RBFOX3: variants seen among roughly 807,000 people sequenced by gnomAD.
RBFOX3 encodes RNA binding fox-1 homolog 3, also known as RNA binding protein fox-1 homolog 3.
In RBFOX3, 17 loss-of-function variants were observed where a neutral mutation model predicts 48.7. The observed-to-expected ratio is 0.35, with a 90% CI of 0.24 to 0.52. RBFOX3 has a LOEUF of 0.52. Ranked by LOEUF, RBFOX3 falls within the 20% of genes least tolerant of loss-of-function variation. The pLI is 0.94. For synonymous variants in RBFOX3, 212 were observed against 209.5 expected, an observed-to-expected ratio of 1.01 and a Z score of -0.10; for missense variants, 382 against 497.5, an observed-to-expected ratio of 0.77 and a Z score of 2.21.
At position 79,415,668 on chromosome 17, in the gene RBFOX3, G is replaced by A. The variant is rs544735393; in HGVS notation, c.-175+66786C>T. Among the ~76,000 whole-genome samples the A allele has an allele frequency of 3.3e-4, 50 of 152,326 alleles. No individual in the cohort carries two copies. In the South Asian group the frequency reaches 5.0e-3, roughly 15 times the overall value. ...ACACAATTGCATGCGGCTCAGTTAC[G>A]ATGGGCACACAGGGAGCAGGTCCTC... On this transcript the variant is annotated intron_variant, in intron 2 of 14. Coordinates refer to ENST00000693108, the MANE Select transcript of RBFOX3 (RefSeq NM_001350451.2).
rs556107677 is a variant in RBFOX3, at chr17:79,352,425, C to T, written c.-174-44601G>A. ...CCAGCCATGCTTCCTGTGCAGCCTG[C>T]AGAACTGTGAGCCAATTAAATCTCT... On this transcript the variant is annotated intron_variant, in intron 2 of 14. Transcript: ENST00000693108. Among the ~76,000 whole-genome samples the T allele has an allele frequency of 2.0e-5, 3 of 152,306 alleles. No individual in the cohort carries two copies. The South Asian group carries it at 6.2e-4, about 32-fold the overall frequency.
At chr17:79,236,220 C>G (rs115816396) in intron 3 of RBFOX3, among the ~76,000 whole-genome samples, 1 of 152,168 alleles carries the variant, frequency 6.6e-6, no homozygotes, top group Non-Finnish European at 1.5e-5. Flanking sequence ...TCTGCCATGC[C>G]GTGGGGATTT....
At chr17:79,262,445 C>A (rs1250261640) in intron 3 of RBFOX3, among the ~76,000 whole-genome samples, 3 of 152,268 alleles carry the variant, frequency 2.0e-5, no homozygotes, top group Admixed American at 2.0e-4. Flanking sequence ...CTGTGAATTC[C>A]ACCTCGGTCG....
At chr17:79,466,075 G>A (rs2149327487) in intron 2 of RBFOX3, among the ~76,000 whole-genome samples, 1 of 152,362 alleles carries the variant, frequency 6.6e-6, no homozygotes, top group Non-Finnish European at 1.5e-5. Context: ...AAGTGCATGT[G>A]TGGAGACACC....
intron 4 of RBFOX3, 150 bp from the exon 5 acceptor site, chr17:79,115,898 G>A: frequency 3.8e-6 from 2 of 527,484 alleles, no homozygotes; most frequent in Non-Finnish European, 3.3e-6. Flanking sequence ...GCCGGCATGG[G>A]CACCAGCTCA....
At chr17:79,459,566 C>A (rs540433138) in intron 2 of RBFOX3, among the ~76,000 whole-genome samples, 1 of 152,086 alleles carries the variant, frequency 6.6e-6, no homozygotes, top group Non-Finnish European at 1.5e-5. Context: ...CAGGCAATCA[C>A]GGGGCAGTGC....
chr17:79,114,487 T>G (rs2033217301), intron 5 of RBFOX3, among the ~76,000 whole-genome samples: 1 of 152,150 alleles, frequency 6.6e-6, no homozygotes, highest in African/African-American at 2.4e-5. Context: ...GCAGAGGGCC[T>G]GGGTGACGCT....
intron 2 of RBFOX3, among the ~76,000 whole-genome samples, chr17:79,344,657 C>A (rs904626066): frequency 1.3e-5 from 2 of 152,086 alleles, no homozygotes; most frequent in African/African-American, 4.8e-5. Flanking sequence ...CAAGTTCAAG[C>A]GATTCTTGTG....
intron 1 of RBFOX3, among the ~76,000 whole-genome samples, chr17:79,559,633 ATGGTGAATAG>A (rs1788406464): frequency 2.2e-5 from 1 of 46,126 alleles, no homozygotes; most frequent in Non-Finnish European, 5.9e-5. Flanking sequence ...GGATGGGTGG[ATGGTGAATAG>A]TGGATGGGTG....
At chr17:79,107,079 C>G (rs2077523810) in intron 5 of RBFOX3, among the ~76,000 whole-genome samples, 1 of 152,242 alleles carries the variant, frequency 6.6e-6, no homozygotes, top group South Asian at 2.1e-4. Flanking sequence ...CTGCTCTGTT[C>G]CCCGCTCCCG....
intron 4 of RBFOX3, chr17:79,233,927 C>G (rs925195128): frequency 6.6e-6 from 1 of 152,228 alleles, no homozygotes; most frequent in African/African-American, 2.4e-5. Flanking sequence ...ATTCTTTATT[C>G]TACAAGTGAC....
intron 3 of RBFOX3, among the ~76,000 whole-genome samples, chr17:79,270,426 ACCC>A (rs2067458578): frequency 6.6e-6 from 1 of 151,478 alleles, no homozygotes; most frequent in Non-Finnish European, 1.5e-5. Flanking sequence ...AAGAGCGGGC[ACCC>A]CCTCCCCTGT....
At position 79,220,804 on chromosome 17, in the gene RBFOX3, G is replaced by GGGA. The variant is rs1402366808; in HGVS notation, c.-34+14959_-34+14961dup. Among the ~76,000 whole-genome samples, 1 of 152,156 alleles carries GGGA rather than the reference G, an allele frequency of 6.6e-6. No individual in the cohort carries two copies. Among genetic ancestry groups the GGGA allele is most frequent in the Non-Finnish European group, 1.5e-5 (1 of 68,018 alleles). On this transcript the variant is annotated intron_variant, in intron 4 of 14. Coordinates refer to ENST00000693108, the MANE Select transcript of RBFOX3 (RefSeq NM_001350451.2). The surrounding 1 kb of genome is among the most constrained non-coding windows in gnomAD (Gnocchi z 5.9). Reference sequence around the variant, plus strand: ...CAGCCCCAAGTTGGAGCAGCAGGGAGGGAGGAGAAGCAGCTCCTGCAGAGG... The same window carrying GGGA: ...CAGCCCCAAGTTGGAGCAGCAGGGAGGGAGGAGGAGAAGCAGCTCCTGCAGAGG...
rs947440439 is a variant in RBFOX3, at chr17:79,195,728, G to A, written c.-34+40038C>T. Reference sequence around the variant, plus strand: ...CCTCCCCTACGACCGGACAGCACCAGGAAACCAGCACTCTGTTTTGGGGTT... The same window carrying A: ...CCTCCCCTACGACCGGACAGCACCAAGAAACCAGCACTCTGTTTTGGGGTT... On this transcript the variant is annotated intron_variant, in intron 4 of 14. Transcript: ENST00000693108. This position sits in a 1 kb window ranked among gnomAD's most constrained non-coding sequence, Gnocchi z 5.3. Among the ~76,000 whole-genome samples, 4 of 152,222 alleles carry A rather than the reference G, an allele frequency of 2.6e-5. No homozygotes were observed. The highest frequency in any genetic ancestry group is 9.6e-5 in the African/African-American group (4 of 41,454).
intron 3 of RBFOX3, among the ~76,000 whole-genome samples, chr17:79,238,490 C>G: frequency 6.6e-6 from 1 of 152,174 alleles, no homozygotes; most frequent in Admixed American, 6.5e-5. Flanking sequence ...CCTCCGTGTC[C>G]CCTGTCCCTT....
intron 2 of RBFOX3, among the ~76,000 whole-genome samples, chr17:79,469,907 TGA>T (rs1264409432): frequency 2.0e-5 from 3 of 152,062 alleles, no homozygotes; most frequent in African/African-American, 7.3e-5. Flanking sequence ...AGAACGTGCA[TGA>T]GAGAGAGCAC....
At chr17:79,543,667 C>T (rs1033155421) in intron 1 of RBFOX3, among the ~76,000 whole-genome samples, 3 of 152,172 alleles carry the variant, frequency 2.0e-5, no homozygotes, top group African/African-American at 7.2e-5. Context: ...AGATGAAACA[C>T]GCGGCGAAGA....
At chr17:79,623,670 A>T in the RBFOX3 span, among the ~76,000 whole-genome samples, 2 of 152,054 alleles carry the variant, frequency 1.3e-5, no homozygotes, top group East Asian at 3.9e-4. Flanking sequence ...AATAAATAAA[A>T]AATTAGCCAG....
At chr17:79,351,624 T>G (rs919122991) in intron 2 of RBFOX3, among the ~76,000 whole-genome samples, 1 of 152,236 alleles carries the variant, frequency 6.6e-6, no homozygotes, top group African/African-American at 2.4e-5. Context: ...GTTGGCCATT[T>G]GTATGTCTGC....
Sources: allele counts gnomAD v4.1 joint callset (sites outside exome capture counted in the v4.1 genomes callset), GRCh38; gene constraint gnomAD v4.1.1; non-coding constraint Gnocchi (gnomAD v3.1); transcripts MANE v1.5; gene names NCBI Gene and HGNC (gene_info 2026-07-23, HGNC 2026-07-21).